SPANXN1: variants seen among roughly 807,000 people sequenced by gnomAD.
The protein encoded by SPANXN1 is SPANX family member N1.
A neutral mutation model predicts 2.0 loss-of-function variants in SPANXN1; 1 was observed. That is an observed-to-expected ratio of 0.50 (90% confidence interval 0.18 to 2.36). The LOEUF (loss-of-function observed/expected upper bound fraction) is 2.36, where lower values mean the gene tolerates loss of function less well. SPANXN1 is among the 30% of genes most tolerant of loss of function. The pLI is 0.26. For missense variants in SPANXN1, 55 were observed against 51.8 expected, an observed-to-expected ratio of 1.06 and a Z score of -0.19; for synonymous variants, 27 against 21.3, an observed-to-expected ratio of 1.27 and a Z score of -0.74.
At chrX:145,254,440 G>A (rs1331457804) in intron 1 of SPANXN1, among the ~76,000 whole-genome samples, 2 of 112,280 alleles carry the variant, frequency 1.8e-5, no homozygotes, top group African/African-American at 3.2e-5. Context: ...CTGGAAGAGA[G>A]TGAATATCCC....
At position 145,247,511 on chromosome X, in the gene SPANXN1, G is replaced by C. The variant is rs183882877; in HGVS notation, c.-76G>C. ...GGCAAGAGCTCTGGGACATCCTCCT[G>C]GGAAGCTTCAATACAGCTGTGCAAG... is the stretch of plus-strand genomic sequence containing the variant. On this transcript the variant is annotated 5_prime_UTR_variant, in exon 1 of 2. Transcript: ENST00000370493. The C allele has an allele frequency of 2.2e-5, 23 of 1,053,040 alleles. No homozygotes were observed. The Admixed American group carries it at 3.8e-4, about 17-fold the overall frequency. The allele number at this position is 1,053,040 out of a possible 1,213,427, so 86.8% of individuals were successfully genotyped here.
At chrX:145,250,274 G>A (rs782352582) in intron 1 of SPANXN1, among the ~76,000 whole-genome samples, 10 of 110,994 alleles carry the variant, frequency 9.0e-5, no homozygotes, top group South Asian at 7.6e-4. Flanking sequence ...TGGTGGTGGT[G>A]GGAAAAACTT....
intron 1 of SPANXN1, among the ~76,000 whole-genome samples, chrX:145,248,131 T>C (rs781958299): frequency 8.9e-6 from 1 of 111,754 alleles, no homozygotes; most frequent in South Asian, 3.8e-4. Context: ...CCTTCTACTT[T>C]AGTATAAAAG....
chrX:145,251,330 T>C (rs1428992864), intron 1 of SPANXN1, among the ~76,000 whole-genome samples: 1 of 112,056 alleles, frequency 8.9e-6, no homozygotes, highest in African/African-American at 3.2e-5. Flanking sequence ...ATAAGGCATG[T>C]ACCTGCTGTA....
intron 1 of SPANXN1, among the ~76,000 whole-genome samples, chrX:145,250,522 C>T (rs1556882382): frequency 9.0e-6 from 1 of 111,358 alleles, no homozygotes; most frequent in Non-Finnish European, 1.9e-5. Context: ...TTTTTAAAAG[C>T]TGGAGTAGGG....
intron 1 of SPANXN1, among the ~76,000 whole-genome samples, chrX:145,253,320 A>T (rs644210): frequency 3.6e-5 from 4 of 109,722 alleles, no homozygotes; most frequent in Middle Eastern, 4.7e-3. Flanking sequence ...TTTGGTATTT[A>T]GCCTGGTCCT....
chrX:145,248,175 C>G (rs1225215850), intron 1 of SPANXN1, among the ~76,000 whole-genome samples: 3 of 111,367 alleles, frequency 2.7e-5, no homozygotes, highest in African/African-American at 9.8e-5. Context: ...TGGCTGCTTC[C>G]TGCCGAATAG....
chrX:145,250,067 A>AGTT (rs1390089061), intron 1 of SPANXN1, among the ~76,000 whole-genome samples: 55 of 111,289 alleles, frequency 4.9e-4, no homozygotes, highest in Non-Finnish European at 9.6e-4. Flanking sequence ...GAGTTTGGTT[A>AGTT]GTTGTTTTTT....
chrX:145,255,836 C>T lies in SPANXN1; in HGVS notation c.*22C>T. On this transcript the variant is annotated 3_prime_UTR_variant, in exon 2 of 2. Coordinates refer to ENST00000370493, the MANE Select transcript of SPANXN1 (RefSeq NM_001009614.3). ...CTGAGAGAACTCCATCAATCCAGTCCAAGAGGAGGAGGACGAAGGCCTAGA... is the reference window on the plus strand; with the variant it reads ...CTGAGAGAACTCCATCAATCCAGTCTAAGAGGAGGAGGACGAAGGCCTAGA... 8.3e-7 allele frequency: 1 copy of T among 1,211,824 alleles called. No homozygotes were observed. The highest frequency in any genetic ancestry group is 3.0e-5 in the East Asian group (1 of 33,823).
At chrX:145,253,335 T>C (rs1203008506) in intron 1 of SPANXN1, among the ~76,000 whole-genome samples, 2 of 111,006 alleles carry the variant, frequency 1.8e-5, no homozygotes, top group Non-Finnish European at 3.8e-5. Flanking sequence ...GGTCCTTCTT[T>C]AGGTTTGAGG....
intron 1 of SPANXN1, among the ~76,000 whole-genome samples, chrX:145,252,099 T>C (rs1440354213): frequency 3.6e-5 from 4 of 111,429 alleles, no homozygotes; most frequent in Non-Finnish European, 7.5e-5. Flanking sequence ...AGGAGGGCAC[T>C]AGGAAAAAGA....
At chrX:145,254,263 G>C (rs2070798405) in intron 1 of SPANXN1, among the ~76,000 whole-genome samples, 1 of 111,991 alleles carries the variant, frequency 8.9e-6, no homozygotes, top group South Asian at 3.8e-4. Flanking sequence ...CAGAGAGGGA[G>C]AGTGAGCTGT....
At chrX:145,248,010 T>A (rs782535148) in intron 1 of SPANXN1, among the ~76,000 whole-genome samples, 2 of 112,174 alleles carry the variant, frequency 1.8e-5, no homozygotes, top group African/African-American at 6.5e-5. Flanking sequence ...TGTGTTACGA[T>A]GATTAGGCAA....
chrX:145,247,579 C>A lies in SPANXN1; in HGVS notation c.-8C>A. The A allele has an allele frequency of 8.3e-7, 1 of 1,207,795 alleles. No individual in the cohort carries two copies. The highest frequency in any genetic ancestry group is 1.1e-6 in the Non-Finnish European group (1 of 893,139). ...CCTACTATAGACATTCTACAACCAA[C>A]CAGAATCATGGAACAGCCCACTTCA... is the stretch of plus-strand genomic sequence containing the variant. On this transcript the variant is annotated 5_prime_UTR_variant, in exon 1 of 2. Coordinates refer to ENST00000370493, the MANE Select transcript of SPANXN1 (RefSeq NM_001009614.3).
At chrX:145,250,481 T>C (rs1390766175) in intron 1 of SPANXN1, among the ~76,000 whole-genome samples, 3 of 111,238 alleles carry the variant, frequency 2.7e-5, no homozygotes, top group African/African-American at 9.8e-5. Context: ...ATCTTTGAGA[T>C]GGGCAGCCAT....
rs185053948 is a variant in SPANXN1, at chrX:145,251,166, G to A, written c.75+3505G>A. Among the ~76,000 whole-genome samples, 29 of 111,861 alleles carry A rather than the reference G, an allele frequency of 2.6e-4. No individual in the cohort carries two copies. The East Asian group carries it at 3.1e-3, about 12-fold the overall frequency. On this transcript the variant is annotated intron_variant, in intron 1 of 1. Coordinates refer to ENST00000370493, the MANE Select transcript of SPANXN1 (RefSeq NM_001009614.3). Reference sequence around the variant, plus strand: ...TAACCGTGTATGTGTTCCCTGCAAAGAGGCATCTGAAATGTGTTGGAAGGG... The same window carrying A: ...TAACCGTGTATGTGTTCCCTGCAAAAAGGCATCTGAAATGTGTTGGAAGGG...
At chrX:145,254,486 A>T (rs2070799848) in intron 1 of SPANXN1, among the ~76,000 whole-genome samples, 1 of 112,084 alleles carries the variant, frequency 8.9e-6, no homozygotes, top group Non-Finnish European at 1.9e-5. Context: ...AAGTGAATAC[A>T]CCAGAGGAAA....
At chrX:145,253,688 C>T (rs632565) in intron 1 of SPANXN1, among the ~76,000 whole-genome samples, 65 of 110,853 alleles carry the variant, frequency 5.9e-4, no homozygotes, top group African/African-American at 2.1e-3. Flanking sequence ...AGCTAGGGTC[C>T]CTATTGGGTT....
intron 1 of SPANXN1, among the ~76,000 whole-genome samples, chrX:145,250,534 C>A (rs2070781497): frequency 9.0e-6 from 1 of 111,400 alleles, no homozygotes; most frequent in Admixed American, 9.5e-5. Flanking sequence ...GGAGTAGGGG[C>A]AGTAACCGGC....
Sources: allele counts gnomAD v4.1 joint callset (sites outside exome capture counted in the v4.1 genomes callset), GRCh38; gene constraint gnomAD v4.1.1; transcripts MANE v1.5; gene names NCBI Gene and HGNC (gene_info 2026-07-23, HGNC 2026-07-21).